Variants in ASIC2 observed in about 807,000 individuals in gnomAD.
ASIC2 encodes the protein acid sensing ion channel subunit 2, also known as acid-sensing ion channel 2.
A neutral mutation model predicts 57.3 loss-of-function variants in ASIC2; 25 were observed. The observed-to-expected ratio is 0.44, with a 90% CI of 0.32 to 0.61. The LOEUF (loss-of-function observed/expected upper bound fraction) is 0.61, where lower values mean the gene tolerates loss of function less well. Ranked by LOEUF, ASIC2 falls within the 20% of genes least tolerant of loss-of-function variation. ASIC2 has a pLI of 0.06. For missense variants in ASIC2, 641 were observed against 738.1 expected (o/e 0.87, Z 1.52); for synonymous variants, 319 against 307.5 (o/e 1.04, Z -0.39).
At chr17:33,531,467 AG>A (rs1267188333) in intron 1 of ASIC2, among the ~76,000 whole-genome samples, 1 of 152,152 alleles carries the variant, frequency 6.6e-6, no homozygotes, top group Non-Finnish European at 1.5e-5. Context: ...GACCTTGCAG[AG>A]GCCCTTGCTC....
At chr17:33,320,371 A>G (rs1319483202) in intron 1 of ASIC2, among the ~76,000 whole-genome samples, 2 of 152,100 alleles carry the variant, frequency 1.3e-5, no homozygotes, top group Admixed American at 1.3e-4. Flanking sequence ...TTTCATTTTT[A>G]TTGCGATAGC....
chr17:33,952,086 C>A (rs1453199819), intron 1 of ASIC2, among the ~76,000 whole-genome samples: 1 of 152,048 alleles, frequency 6.6e-6, no homozygotes, highest in Non-Finnish European at 1.5e-5. Flanking sequence ...GAGAAATAGA[C>A]CCCATGATAT....
intron 1 of ASIC2, among the ~76,000 whole-genome samples, chr17:33,991,453 C>T (rs545477562): frequency 3.3e-5 from 5 of 152,278 alleles, no homozygotes; most frequent in South Asian, 2.1e-4. Flanking sequence ...ATCCTGCCAC[C>T]GGCTACATGT....
At chr17:34,129,159 C>T (rs1446389442) in intron 1 of ASIC2, among the ~76,000 whole-genome samples, 1 of 152,144 alleles carries the variant, frequency 6.6e-6, no homozygotes, top group Non-Finnish European at 1.5e-5. Context: ...ACCTATTACA[C>T]GTCAAGCACT....
intron 1 of ASIC2, among the ~76,000 whole-genome samples, chr17:33,919,219 G>T (rs1915655375): frequency 6.6e-6 from 1 of 152,290 alleles, no homozygotes. Context: ...GGTGGTCCTG[G>T]AAAGGTGTCT....
At chr17:33,479,986 C>T (rs895771125) in intron 1 of ASIC2, among the ~76,000 whole-genome samples, 3 of 152,198 alleles carry the variant, frequency 2.0e-5, no homozygotes, top group East Asian at 1.9e-4. Context: ...CCATGGTGAA[C>T]GCTTTGCCTT....
At chr17:33,930,668 A>G (rs925246373) in intron 1 of ASIC2, among the ~76,000 whole-genome samples, 5 of 152,164 alleles carry the variant, frequency 3.3e-5, no homozygotes, top group African/African-American at 4.8e-5. Context: ...TTCTCTCTCT[A>G]CCCTGAGGGA....
intron 1 of ASIC2, among the ~76,000 whole-genome samples, chr17:33,255,643 T>C (rs1267555618): frequency 6.6e-6 from 1 of 152,126 alleles, no homozygotes; most frequent in Non-Finnish European, 1.5e-5. Flanking sequence ...CCTTTATTGA[T>C]CTTTGTAGTG....
chr17:33,585,574 C>T (rs1328222900), intron 1 of ASIC2, among the ~76,000 whole-genome samples: 1 of 152,154 alleles, frequency 6.6e-6, no homozygotes, highest in Non-Finnish European at 1.5e-5. Flanking sequence ...AGTGAGGCAC[C>T]TGCACTGGGC....
intron 1 of ASIC2, among the ~76,000 whole-genome samples, chr17:33,400,480 G>A (rs911651516): frequency 6.6e-6 from 1 of 152,256 alleles, no homozygotes; most frequent in Admixed American, 6.5e-5. Context: ...GAGTAGATTT[G>A]TGTCATTTGT....
At chr17:33,909,164 GA>G (rs1915409885) in intron 1 of ASIC2, among the ~76,000 whole-genome samples, 1 of 152,150 alleles carries the variant, frequency 6.6e-6, no homozygotes, top group African/African-American at 2.4e-5. Context: ...CCATACCTCA[GA>G]AAACCTTAAT....
chr17:34,127,719 C>T (rs758865031), intron 1 of ASIC2, among the ~76,000 whole-genome samples: 83 of 152,268 alleles, frequency 5.5e-4, no homozygotes, highest in South Asian at 1.0e-3. Flanking sequence ...GGGAGGAGTC[C>T]GATGCCACCT....
chr17:33,464,520 C>T (rs1214141653), intron 1 of ASIC2, among the ~76,000 whole-genome samples: 15 of 42,332 alleles, frequency 3.5e-4, no homozygotes, highest in African/African-American at 1.2e-3. Flanking sequence ...TTCTTTCTTT[C>T]TTTCTTTCTT....
intron 1 of ASIC2, among the ~76,000 whole-genome samples, chr17:34,049,810 A>T (rs1285879477): frequency 6.6e-6 from 1 of 152,164 alleles, no homozygotes; most frequent in African/African-American, 2.4e-5. Context: ...TCCCAAGCTG[A>T]TAATCTCCAG....
chr17:33,014,527 G>A (rs1175691946), intron 9 of ASIC2, among the ~76,000 whole-genome samples: 3 of 151,972 alleles, frequency 2.0e-5, no homozygotes, highest in Non-Finnish European at 2.9e-5. Flanking sequence ...AGCCAGAGCT[G>A]GTCAGAGCTG....
rs746946021 is a variant in ASIC2, at chr17:33,023,911, T to A, written c.1299A>T (p.Thr433=). Residue 433 remains threonine (T), a synonymous_variant, in exon 6 of 10, where the codon ACA becomes ACT. Coordinates refer to ENST00000225823, the MANE Select transcript of ASIC2 (RefSeq NM_183377.2). The part of the protein sequence containing the change: ...ELSMVKIPSK[T]SAKYLEKKFN... ...ATTTCTTCTCAAGGTACTTGGCTGA[T>A]GTCTTGCTGGGGATCTTCACCATGG... The A allele has an allele frequency of 2.5e-6, 4 of 1,614,136 alleles. No individual in the cohort carries two copies. Among genetic ancestry groups the A allele is most frequent in the Non-Finnish European group, 3.4e-6 (4 of 1,180,050 alleles).
At chr17:33,212,225 A>C (rs114743805) in intron 1 of ASIC2, among the ~76,000 whole-genome samples, 1,590 of 152,318 alleles carry the variant, frequency 0.01, 29 homozygotes, top group African/African-American at 0.037. Flanking sequence ...AAATGTGATT[A>C]AGGTAAGCTC....
At chr17:33,209,223 G>T (rs1033479351) in intron 1 of ASIC2, among the ~76,000 whole-genome samples, 1 of 152,162 alleles carries the variant, frequency 6.6e-6, no homozygotes, top group Admixed American at 6.5e-5. Context: ...CCAGTCTTCT[G>T]CCATGTCACA....
intron 1 of ASIC2, among the ~76,000 whole-genome samples, chr17:34,126,207 C>A (rs1464082495): frequency 6.6e-6 from 1 of 152,226 alleles, no homozygotes; most frequent in African/African-American, 2.4e-5. Context: ...AGGAGGACTG[C>A]CTATCAAAGC....
Sources: gnomAD v4.1 joint callset for allele counts (sites outside exome capture counted in the v4.1 genomes callset) on GRCh38, gnomAD v4.1.1 for gene constraint, MANE v1.5 for transcripts, NCBI Gene and HGNC (gene_info 2026-07-23, HGNC 2026-07-21) for gene names.